The following RCC2 variants were observed in gnomAD, a reference collection of about 807,000 sequenced individuals.
The protein encoded by RCC2 is regulator of chromosome condensation 2.
RCC2 carries 19 observed loss-of-function variants against 64.1 expected under a neutral mutation model. The observed-to-expected ratio is 0.30, with a 90% CI of 0.21 to 0.44. The LOEUF (loss-of-function observed/expected upper bound fraction) is 0.44. Among genes scored for constraint, RCC2 ranks in the 20% least tolerant of loss-of-function variants. RCC2 has a pLI of 1.00. For missense variants in RCC2, 508 were observed against 710.4 expected (o/e 0.72, Z 3.24); for synonymous variants, 325 against 279.6 (o/e 1.16, Z -1.62).
chr1:17,426,936 T>C (rs188932123), intron 3 of RCC2, among the ~76,000 whole-genome samples: 3 of 152,154 alleles, frequency 2.0e-5, no homozygotes, highest in Non-Finnish European at 4.4e-5. Context: ...CTAATTTTTG[T>C]ATATTTAGTA....
chr1:17,432,734 G>C (rs1009439937), intron 2 of RCC2, among the ~76,000 whole-genome samples: 1 of 152,232 alleles, frequency 6.6e-6, no homozygotes. Context: ...TTGGTCAAGG[G>C]CTCATGAAGA....
Position 17,438,334 on chromosome 1 carries a change from C to G in RCC2, c.181G>C (p.Gly61Arg). 2.4e-6 allele frequency: 3 copies of G among 1,249,122 alleles called. No homozygotes were observed. The highest frequency in any genetic ancestry group is 3.0e-6 in the Non-Finnish European group (3 of 994,260). The allele number at this position is 1,249,122 out of a possible 1,614,324, so 77.4% of individuals were successfully genotyped here. A position where few individuals can be genotyped will look rare whatever the true frequency, so the allele number is the denominator to read the frequency against. Residue 61 changes from glycine (G) to arginine (R), a missense_variant, in exon 2 of 13, where the codon GGG becomes CGG. Around this residue, in one of 4 missense-constraint regions of RCC2, gnomAD observed 195 missense variants for 158.3 expected, o/e 1.23. Coordinates refer to ENST00000375436, the MANE Select transcript of RCC2 (RefSeq NM_018715.4). ...SGDEDGLELD[G>R]APGGGKRAAR... ...GCGCGCTTGCCCCCGCCGGGGGCCC[C>G]GTCGAGCTCCAGGCCGTCCTCGTCG... is the stretch of plus-strand genomic sequence containing the variant.
intron 7 of RCC2, among the ~76,000 whole-genome samples, chr1:17,418,078 C>G (rs1321836891): frequency 6.6e-6 from 1 of 152,116 alleles, no homozygotes; most frequent in African/African-American, 2.4e-5. Context: ...TTGGTATCCA[C>G]AGGGGGTACT....
intron 2 of RCC2, among the ~76,000 whole-genome samples, chr1:17,429,803 C>T (rs1343179788): frequency 1.3e-5 from 2 of 152,172 alleles, no homozygotes; most frequent in African/African-American, 2.4e-5. Context: ...ACCCTCATGC[C>T]GCTGTCCATG....
At position 17,434,643 on chromosome 1, in the gene RCC2, T is replaced by C. The variant is rs569961780; in HGVS notation, c.285+3587A>G. Reference sequence around the variant, plus strand: ...AGCTACCAGGGACTGGACTTGCAACTGGTGTCTGGGGTGGAAGGACAGTCT... The same window carrying C: ...AGCTACCAGGGACTGGACTTGCAACCGGTGTCTGGGGTGGAAGGACAGTCT... On this transcript the variant is annotated intron_variant, in intron 2 of 12. Coordinates refer to ENST00000375436, the MANE Select transcript of RCC2 (RefSeq NM_018715.4). Among the ~76,000 whole-genome samples the C allele has an allele frequency of 3.3e-5, 5 of 152,296 alleles. 1 individual carries two copies. The South Asian group carries it at 8.3e-4, about 25-fold the overall frequency.
chr1:17,422,381 C>T, intron 5 of RCC2, 90 bp from the exon 6 acceptor site: 2 of 1,231,644 alleles, frequency 1.6e-6, no homozygotes, highest in East Asian at 4.8e-5. Context: ...ATAATAAAAA[C>T]AGCTCATTTG....
At position 17,413,152 on chromosome 1, in the gene RCC2, T is replaced by C; in HGVS notation, c.1234A>G (p.Asn412Asp). 6.2e-7 allele frequency: 1 copy of C among 1,614,088 alleles called. No individual in the cohort carries two copies. ...VGGLFFWGAT[N>D]TSRESTMYPK... is the part of the protein sequence containing the mutation. ...TACATGGTAGATTCACGGGAGGTGT[T>C]GGTGGCCCCCCAGAAAAACAGACCA... Residue 412 changes from asparagine (N) to aspartate (D), a missense_variant, in exon 10 of 13, where the codon AAC becomes GAC. This residue lies in a region of RCC2 where 179 missense variants were observed against 322.0 expected (regional missense o/e 0.56). Transcript: ENST00000375436.
In RCC2 at chr1:17,422,748, A is replaced by C. The variant is rs1254818014; in HGVS notation, c.612T>G (p.Ile204Met). ...RLIEGLSHEV[I>M]VSAACGRNHT... ...GGTTCCGCCCACATGCTGCAGACAC[A>C]ATCACTTCGTGGCTAAGACCCTCGA... The change falls in exon 5 of 13, where the codon ATT (isoleucine) becomes ATG (methionine). Residue 204 changes from isoleucine (I) to methionine (M), a missense_variant. By Grantham distance (10) the Ile-to-Met change is conservative. This residue lies in a region of RCC2 where 132 missense variants were observed against 207.3 expected (regional missense o/e 0.64). Coordinates refer to ENST00000375436, the MANE Select transcript of RCC2 (RefSeq NM_018715.4). 1 of 1,613,996 alleles carries C rather than the reference A, an allele frequency of 6.2e-7. No homozygotes were observed. Among genetic ancestry groups the C allele is most frequent in the East Asian group, 2.2e-5 (1 of 44,860 alleles).
chr1:17,433,848 C>T (rs190873624), intron 2 of RCC2, among the ~76,000 whole-genome samples: 38 of 152,152 alleles, frequency 2.5e-4, no homozygotes, highest in African/African-American at 9.2e-4. Context: ...AGGTAAGACC[C>T]CCGGGAACAA....
Position 17,408,456 on chromosome 1 carries a change from CA to C in RCC2, c.*633del, listed in dbSNP as rs1433125482. Reference sequence around the variant, plus strand: ...TAAACACAGATCCCCAATCCCCCACCAGGGGGGACACGGCCGATTCTATAAT... The same window carrying C: ...TAAACACAGATCCCCAATCCCCCACCGGGGGGACACGGCCGATTCTATAAT... On this transcript the variant is annotated 3_prime_UTR_variant, in exon 13 of 13. Transcript: ENST00000375436. 1.3e-5 allele frequency: 2 copies of C among 152,516 alleles called. No homozygotes were observed. Among genetic ancestry groups the C allele is most frequent in the Admixed American group, 6.5e-5 (1 of 15,298 alleles). 9.4% of individuals were successfully genotyped at this position (152,516 alleles called of 1,614,324 possible).
At position 17,438,491 on chromosome 1, in the gene RCC2, C is replaced by T. The variant is rs367812955; in HGVS notation, c.24G>A (p.Ala8=). 4,850 of 1,343,462 alleles carry T rather than the reference C, an allele frequency of 3.6e-3. 96 individuals are homozygous for T. In the South Asian group the frequency reaches 0.057, roughly 16 times the overall value. The allele number at this position is 1,343,462 out of a possible 1,614,324, so 83.2% of individuals were successfully genotyped here. A position where few individuals can be genotyped will look rare whatever the true frequency, so the allele number is the denominator to read the frequency against. The change falls in exon 2 of 13, where the codon GCG becomes GCA. Residue 8 remains alanine (A), a synonymous_variant. Transcript: ENST00000375436. MPRKKAA[A]AAWEEPSSGN... ...CCGAGCTCGGCTCCTCCCAGGCCGC[C>T]GCCGCCGCCTTCTTCCTGGGCATGG...
At chr1:17,411,220 T>C (rs1018601059) in intron 11 of RCC2, among the ~76,000 whole-genome samples, 1 of 151,324 alleles carries the variant, frequency 6.6e-6, no homozygotes, top group African/African-American at 2.4e-5. Flanking sequence ...AATCAAACCA[T>C]GACTAGTGTA....
intron 7 of RCC2, 45 bp from the exon 8 acceptor site, chr1:17,416,691 AG>A: frequency 6.3e-7 from 1 of 1,576,162 alleles, no homozygotes; most frequent in South Asian, 1.2e-5. Flanking sequence ...CACAAGCACA[AG>A]GGACGTGTCA....
Position 17,424,368 on chromosome 1 carries a change from G to A in RCC2, c.523+1173C>T, listed in dbSNP as rs116827753. Among the ~76,000 whole-genome samples the A allele has an allele frequency of 3.6e-3, 545 of 152,342 alleles. 2 individuals are homozygous for A. Among genetic ancestry groups the A allele is most frequent in the African/African-American group, 0.012 (504 of 41,576 alleles). The stretch of plus-strand genomic sequence containing the variant: ...AGCCACCACGCAAGTGAAGCTCAGC[G>A]AGAGATCAGAACTGAGGTATTTTAA... On this transcript the variant is annotated intron_variant, in intron 4 of 12. Coordinates refer to ENST00000375436, the MANE Select transcript of RCC2 (RefSeq NM_018715.4).
At chr1:17,426,371 CCT>C (rs1570196030) in intron 3 of RCC2, among the ~76,000 whole-genome samples, 1 of 152,062 alleles carries the variant, frequency 6.6e-6, no homozygotes, top group South Asian at 2.1e-4. Context: ...TCATGACTCC[CCT>C]GACACCCACC....
chr1:17,412,013 C>T, intron 11 of RCC2, 109 bp downstream of exon 11: 2 of 962,520 alleles, frequency 2.1e-6, no homozygotes, highest in Non-Finnish European at 3.3e-6. Flanking sequence ...GGGGGAATCC[C>T]AAATGTTTTT....
At chr1:17,430,823 G>T (rs1254381275) in intron 2 of RCC2, among the ~76,000 whole-genome samples, 1 of 151,692 alleles carries the variant, frequency 6.6e-6, no homozygotes, top group Non-Finnish European at 1.5e-5. Context: ...CTGCCTCCCG[G>T]GTTCAAACGA....
chr1:17,429,082 G>A, intron 3 of RCC2, 24 bp downstream of exon 3: 7 of 1,586,480 alleles, frequency 4.4e-6, no homozygotes, highest in Non-Finnish European at 6.1e-6. Flanking sequence ...CACTCAATGG[G>A]TTTTTGAGGC....
chr1:17,411,522 G>A (rs567728142), intron 11 of RCC2, among the ~76,000 whole-genome samples: 9 of 151,012 alleles, frequency 6.0e-5, no homozygotes, highest in African/African-American at 1.9e-4. Flanking sequence ...GACAGAGGGT[G>A]CAGTGAGCCA....
Sources: allele counts gnomAD v4.1 joint callset (sites outside exome capture counted in the v4.1 genomes callset), GRCh38; gene constraint gnomAD v4.1.1; regional missense constraint gnomAD v4.1.1; transcripts MANE v1.5; gene names NCBI Gene and HGNC (gene_info 2026-07-23, HGNC 2026-07-21).